Variants in DDX52 observed in about 807,000 individuals in gnomAD.
DDX52 encodes the protein DExD-box helicase 52.
In DDX52, 59 loss-of-function variants were observed where a neutral mutation model predicts 76.1. The ratio of observed to expected loss-of-function variants is 0.78; its 90% CI spans 0.63 to 0.96. The LOEUF is 0.96. DDX52 is among the 40% of genes least tolerant of loss of function. The pLI, the probability that DDX52 is intolerant of heterozygous loss-of-function variation, is 0.00. For synonymous variants in DDX52, 231 were observed against 244.1 expected, an observed-to-expected ratio of 0.95 and a Z score of 0.50; for missense variants, 707 against 703.9, an observed-to-expected ratio of 1.00 and a Z score of -0.05.
Position 37,639,596 on chromosome 17 carries a change from C to G in DDX52, c.286+2514G>C, listed in dbSNP as rs576786845. On this transcript the variant is annotated intron_variant, in intron 2 of 14. Transcript: ENST00000617633. ...AATAAAAATACAAAAACAAAATTAG[C>G]TGGGCGTGGTGTCGGGCACCTGTAG... The G allele has an allele frequency of 5.4e-4, 136 of 252,984 alleles. 1 individual carries two copies. Among genetic ancestry groups the G allele is most frequent in the African/African-American group, 3.0e-3 (129 of 43,284 alleles). The allele number at this position is 252,984 out of a possible 1,614,324, so 15.7% of individuals were successfully genotyped here. A position where few individuals can be genotyped will look rare whatever the true frequency, so the allele number is the denominator to read the frequency against.
chr17:37,639,959 C>A (rs2031112010), intron 2 of DDX52, among the ~76,000 whole-genome samples: 1 of 152,162 alleles, frequency 6.6e-6, no homozygotes. Flanking sequence ...CAGCACTTAA[C>A]AGCAAAAGCA....
At chr17:37,628,472 C>T (rs2030502378) in intron 6 of DDX52, 89 bp downstream of exon 6, 3 of 1,129,042 alleles carry the variant, frequency 2.7e-6, no homozygotes, top group Non-Finnish European at 3.9e-6. Context: ...CATGACTATA[C>T]TTTAACAACA....
chr17:37,627,957 C>T (rs1266290800), intron 6 of DDX52, among the ~76,000 whole-genome samples: 1 of 151,588 alleles, frequency 6.6e-6, no homozygotes, highest in African/African-American at 2.4e-5. Context: ...TAAAAAATTT[C>T]TTTTAGAGAT....
chr17:37,625,324 T>C (rs1047031142), intron 8 of DDX52, among the ~76,000 whole-genome samples: 1 of 152,106 alleles, frequency 6.6e-6, no homozygotes, highest in Non-Finnish European at 1.5e-5. Context: ...GAATTTTAGG[T>C]TTAAAATAGG....
At chr17:37,629,228 TACACACACACACACACACAC>T (rs10661586) in intron 5 of DDX52, among the ~76,000 whole-genome samples, 31 of 133,970 alleles carry the variant, frequency 2.3e-4, no homozygotes, top group South Asian at 1.2e-3. Context: ...CAAGAAAAAA[TACACACACACACACACACAC>T]ACACACACAC....
At chr17:37,619,628 C>T in intron 13 of DDX52, 140 bp downstream of exon 13, 4 of 677,098 alleles carry the variant, frequency 5.9e-6, no homozygotes, top group South Asian at 2.3e-5. Flanking sequence ...AGGAGGATCA[C>T]TTGAGCCTAG....
chr17:37,618,292 T>A lies in DDX52; in HGVS notation c.1742A>T (p.Gln581Leu). 1 of 1,596,100 alleles carries A rather than the reference T, an allele frequency of 6.3e-7. No homozygotes were observed. The highest frequency in any genetic ancestry group is 8.5e-7 in the Non-Finnish European group (1 of 1,175,024). ...KCFLEKAKDK[Q>L]KKVTGQNSKK... ...GCCATTTTTCTTACCACATACTTACTGTTTATCCTTAGCTTTTTCTAAGAA... is the reference window on the plus strand; with the variant it reads ...GCCATTTTTCTTACCACATACTTACAGTTTATCCTTAGCTTTTTCTAAGAA... The change falls in exon 14 of 15, where the codon CAG (glutamine) becomes CTG (leucine). Residue 581 changes from glutamine to leucine, a missense_variant and splice_region_variant. Transcript: ENST00000617633.
rs764815999 is a variant in DDX52 at position 37,630,048 on chromosome 17, T to A, written c.729A>T (p.Thr243=). 6 of 1,611,494 alleles carry A rather than the reference T, an allele frequency of 3.7e-6. No individual in the cohort carries two copies. Among genetic ancestry groups the A allele is most frequent in the Non-Finnish European group, 5.1e-6 (6 of 1,179,404 alleles). The part of the protein sequence containing the change: ...KGFRALIISP[T]RELASQIHRE... ...GTCATACCTGGCTGGCAAGTTCTCG[T>A]GTTGGTGATATAATCAGGGCTCTGA... Residue 243 remains threonine (T), a synonymous_variant, in exon 5 of 15, where the codon ACA becomes ACT. Coordinates refer to ENST00000617633, the MANE Select transcript of DDX52 (RefSeq NM_007010.5).
rs969862928 is a variant in DDX52, at chr17:37,612,648, C to T, written c.*1648G>A. 5.9e-5 allele frequency: 9 copies of T among 152,174 alleles called. No homozygotes were observed. The highest frequency in any genetic ancestry group is 2.2e-4 in the African/African-American group (9 of 41,446). The allele number at this position is 152,174 out of a possible 1,614,324, so 9.4% of individuals were successfully genotyped here. On this transcript the variant is annotated 3_prime_UTR_variant, in exon 15 of 15. Coordinates refer to ENST00000617633, the MANE Select transcript of DDX52 (RefSeq NM_007010.5). ...CTCTGTCATTAAGTGATGCGTGACTCTATTTGCTCCTTTATCTCTAACATT... is the reference window on the plus strand; with the variant it reads ...CTCTGTCATTAAGTGATGCGTGACTTTATTTGCTCCTTTATCTCTAACATT...
chr17:37,625,920 C>T lies in DDX52; in HGVS notation c.1111G>A (p.Val371Ile). 6.2e-7 allele frequency: 1 copy of T among 1,614,042 alleles called. No individual in the cohort carries two copies. Among genetic ancestry groups the T allele is most frequent in the Non-Finnish European group, 8.5e-7 (1 of 1,179,976 alleles). Residue 371 changes from valine to isoleucine, a missense_variant, in exon 8 of 15, where the codon GTC becomes ATC. Transcript: ENST00000617633. ...EQWCKLNLDN[V>I]ISVSIGARNS... is the part of the protein sequence containing the mutation. ...CTTGCTCCAATGGACACACTGATGA[C>T]ATTGTCCAGGTTGAGTTTGCACCAC...
At position 37,613,306 on chromosome 17, in the gene DDX52, A is replaced by T. The variant is rs891250889; in HGVS notation, c.*990T>A. On this transcript the variant is annotated 3_prime_UTR_variant, in exon 15 of 15. Coordinates refer to ENST00000617633, the MANE Select transcript of DDX52 (RefSeq NM_007010.5). ...AATCCTTTAGCTTAAGTAGAGATCT[A>T]CTTATTAAATGAGGCACCATCAACC... is the stretch of plus-strand genomic sequence containing the variant. 1 of 152,220 alleles carries T rather than the reference A, an allele frequency of 6.6e-6. No individual in the cohort carries two copies. Among genetic ancestry groups the T allele is most frequent in the Non-Finnish European group, 1.5e-5 (1 of 68,030 alleles). The allele number at this position is 152,220 out of a possible 1,614,324, so 9.4% of individuals were successfully genotyped here.
At position 37,642,143 on chromosome 17, in the gene DDX52, G is replaced by C; in HGVS notation, c.253C>G (p.Gln85Glu). ...EESLTERKRE[Q>E]SKKKRKTMTS... ...ATCGTCTTCCTTTTTTTCTTGCTCT[G>C]CTCCCTCTTCCTTTCAGTTAGGCTC... The change falls in exon 2 of 15, where the codon CAG becomes GAG. Residue 85 changes from glutamine to glutamate, a missense_variant. Coordinates refer to ENST00000617633, the MANE Select transcript of DDX52 (RefSeq NM_007010.5). 6.2e-7 allele frequency: 1 copy of C among 1,613,476 alleles called. No individual in the cohort carries two copies. Among genetic ancestry groups the C allele is most frequent in the Non-Finnish European group, 8.5e-7 (1 of 1,179,800 alleles).
rs529584776 is a variant in DDX52, at chr17:37,613,542, C to T, written c.*754G>A. On this transcript the variant is annotated 3_prime_UTR_variant, in exon 15 of 15. Coordinates refer to ENST00000617633, the MANE Select transcript of DDX52 (RefSeq NM_007010.5). ...ACATTATGACAGCACTAAGGTATTA[C>T]GTATCCAATACAAGGATACTTAATA... is the stretch of plus-strand genomic sequence containing the variant. The T allele has an allele frequency of 2.6e-5, 4 of 152,070 alleles. No individual in the cohort carries two copies. The highest frequency in any genetic ancestry group is 6.6e-5 in the Admixed American group (1 of 15,266). 9.4% of individuals were successfully genotyped at this position (152,070 alleles called of 1,614,324 possible). A position where few individuals can be genotyped will look rare whatever the true frequency, so the allele number is the denominator to read the frequency against.
rs1485422755 is a variant in DDX52 at position 37,613,418 on chromosome 17, A to G, written c.*878T>C. On this transcript the variant is annotated 3_prime_UTR_variant, in exon 15 of 15. Transcript: ENST00000617633. ...TCCTTATCAGGATAAAATGTTTATC[A>G]GTATTCAAATAAAATATCTTAAATG... is the stretch of plus-strand genomic sequence containing the variant. The G allele has an allele frequency of 6.6e-6, 1 of 152,244 alleles. No homozygotes were observed. Among genetic ancestry groups the G allele is most frequent in the African/African-American group, 2.4e-5 (1 of 41,468 alleles). The allele number at this position is 152,244 out of a possible 1,614,324, so 9.4% of individuals were successfully genotyped here. A position where few individuals can be genotyped will look rare whatever the true frequency, so the allele number is the denominator to read the frequency against.
At position 37,633,344 on chromosome 17, in the gene DDX52, C is replaced by A. The variant is rs150286359; in HGVS notation, c.361G>T (p.Val121Phe). 6.2e-7 allele frequency: 1 copy of A among 1,611,808 alleles called. No individual in the cohort carries two copies. The highest frequency in any genetic ancestry group is 1.3e-5 in the African/African-American group (1 of 74,854). ...GAAGTTAGTTTACTTTCTCTCTGAACTTTTTTGTCTTCAATCTTTGCTTCT... is the reference window on the plus strand; with the variant it reads ...GAAGTTAGTTTACTTTCTCTCTGAAATTTTTTGTCTTCAATCTTTGCTTCT... ...SVEAKIEDKKVQRESKLTSGK... is the reference protein window; with the variant it reads ...SVEAKIEDKKFQRESKLTSGK... The change falls in exon 3 of 15, where the codon GTT becomes TTT. Residue 121 changes from valine to phenylalanine, a missense_variant. Coordinates refer to ENST00000617633, the MANE Select transcript of DDX52 (RefSeq NM_007010.5).
At chr17:37,620,084 CT>C in intron 12 of DDX52, 1 of 407,028 alleles carries the variant, frequency 2.5e-6, no homozygotes, top group Non-Finnish European at 4.4e-6. Flanking sequence ...TTATCAAGCC[CT>C]ACAAAACTGG....
intron 14 of DDX52, among the ~76,000 whole-genome samples, chr17:37,617,228 G>A (rs978580829): frequency 1.3e-5 from 2 of 152,124 alleles, no homozygotes; most frequent in African/African-American, 4.8e-5. Context: ...GACTTCTATA[G>A]AACAGATGTG....
intron 6 of DDX52, among the ~76,000 whole-genome samples, chr17:37,627,242 G>A (rs940296895): frequency 3.3e-5 from 5 of 151,932 alleles, no homozygotes; most frequent in African/African-American, 1.2e-4. Context: ...TAGCTCTGTC[G>A]CCCAGGCTGG....
In DDX52 at chr17:37,643,412, G is replaced by C. The variant is rs1349310246; in HGVS notation, c.9C>G (p.Val3=). MD[V]HDLFRRLGAG... ...CGCCGAGCCGGCGAAAGAGATCGTG[G>C]ACGTCCATCTTTACCCAGAAAGCGC... is the stretch of plus-strand genomic sequence containing the variant. Residue 3 remains valine, a synonymous_variant, in exon 1 of 15, where the codon GTC becomes GTG. Transcript: ENST00000617633. 1 of 1,613,940 alleles carries C rather than the reference G, an allele frequency of 6.2e-7. No individual in the cohort carries two copies. The highest frequency in any genetic ancestry group is 2.2e-5 in the East Asian group (1 of 44,872).
Sources: gnomAD v4.1 joint callset for allele counts (sites outside exome capture counted in the v4.1 genomes callset) on GRCh38, gnomAD v4.1.1 for gene constraint, MANE v1.5 for transcripts, NCBI Gene and HGNC (gene_info 2026-07-23, HGNC 2026-07-21) for gene names.